Variants in FHIP1A observed in about 807,000 individuals in gnomAD.
FHIP1A encodes FHF complex subunit HOOK-interacting protein 1A.
FHIP1A carries 61 observed loss-of-function variants against 88.6 expected under a neutral mutation model. That is an observed-to-expected ratio of 0.69 (90% CI 0.56 to 0.85). FHIP1A has a LOEUF of 0.85. Among genes scored for constraint, FHIP1A ranks in the 40% least tolerant of loss-of-function variants. The pLI is 0.00. For synonymous variants in FHIP1A, 478 were observed against 496.0 expected, an observed-to-expected ratio of 0.96 and a Z score of 0.48; for missense variants, 1,154 against 1,273.5, an observed-to-expected ratio of 0.91 and a Z score of 1.43.
At chr4:151,440,709 A>C (rs1728376463) in intron 1 of FHIP1A, among the ~76,000 whole-genome samples, 1 of 152,180 alleles carries the variant, frequency 6.6e-6, no homozygotes, top group Non-Finnish European at 1.5e-5. Flanking sequence ...AACTGGGGGT[A>C]ACTGGCCAAC....
At chr4:151,443,917 T>C (rs1728501355) in intron 1 of FHIP1A, among the ~76,000 whole-genome samples, 1 of 152,062 alleles carries the variant, frequency 6.6e-6, no homozygotes, top group Non-Finnish European at 1.5e-5. Context: ...TTGGCCAGGC[T>C]GCGTGAAGGC....
chr4:151,560,831 C>G (rs1317950599), intron 3 of FHIP1A, among the ~76,000 whole-genome samples: 1 of 152,090 alleles, frequency 6.6e-6, no homozygotes, highest in Non-Finnish European at 1.5e-5. Context: ...TTTTTACATT[C>G]TAAATCCTTG....
At chr4:151,631,494 T>G (rs1025786915) in intron 8 of FHIP1A, among the ~76,000 whole-genome samples, 1 of 152,150 alleles carries the variant, frequency 6.6e-6, no homozygotes, top group African/African-American at 2.4e-5. Context: ...CAGACCCAGA[T>G]GGCCTCACTG....
At chr4:151,500,307 A>G (rs1449952490) in intron 3 of FHIP1A, among the ~76,000 whole-genome samples, 1 of 152,294 alleles carries the variant, frequency 6.6e-6, no homozygotes, top group Non-Finnish European at 1.5e-5. Context: ...GTGTCCTGGC[A>G]ACTCAATAAA....
In FHIP1A at chr4:151,583,976, C is replaced by T. The variant is rs192365020; in HGVS notation, c.733-2665C>T. Among the ~76,000 whole-genome samples the T allele has an allele frequency of 7.9e-5, 12 of 151,694 alleles. No individual in the cohort carries two copies. The East Asian group carries it at 1.4e-3, about 17-fold the overall frequency. On this transcript the variant is annotated intron_variant, in intron 5 of 13. Transcript: ENST00000435205. Reference sequence around the variant, plus strand: ...CTGTCTTGTTTACGGTTGTATTTTCCGTACTTAACATAGTACCTGGCCTGA... The same window carrying T: ...CTGTCTTGTTTACGGTTGTATTTTCTGTACTTAACATAGTACCTGGCCTGA...
chr4:151,576,500 C>T (rs1246871348), intron 4 of FHIP1A, among the ~76,000 whole-genome samples: 1 of 152,062 alleles, frequency 6.6e-6, no homozygotes, highest in Non-Finnish European at 1.5e-5. Context: ...GATAGGGTCT[C>T]ACTATTTTGC....
chr4:151,635,980 A>C (rs1560812928), intron 8 of FHIP1A, among the ~76,000 whole-genome samples: 1 of 151,974 alleles, frequency 6.6e-6, no homozygotes, highest in Non-Finnish European at 1.5e-5. Flanking sequence ...CATTCTATGA[A>C]GCCAGTGTTA....
chr4:151,641,196 T>C (rs939817767), intron 9 of FHIP1A, among the ~76,000 whole-genome samples: 4 of 152,214 alleles, frequency 2.6e-5, no homozygotes, highest in African/African-American at 9.7e-5. Flanking sequence ...CTTCCTCTGT[T>C]TCTAATTCTG....
At chr4:151,438,353 T>C (rs573450575) in intron 1 of FHIP1A, among the ~76,000 whole-genome samples, 1 of 152,292 alleles carries the variant, frequency 6.6e-6, no homozygotes, top group East Asian at 1.9e-4. Context: ...CTTGGCTCAC[T>C]GCCTGGCCTG....
intron 3 of FHIP1A, among the ~76,000 whole-genome samples, chr4:151,529,570 G>A (rs978392001): frequency 1.5e-4 from 23 of 152,156 alleles, no homozygotes; most frequent in African/African-American, 5.3e-4. Flanking sequence ...TCCATTCCCT[G>A]TGACTAGCAG....
intron 3 of FHIP1A, among the ~76,000 whole-genome samples, chr4:151,538,583 T>A (rs934810946): frequency 6.6e-6 from 1 of 152,192 alleles, no homozygotes; most frequent in African/African-American, 2.4e-5. Context: ...TATTTCTCCA[T>A]GGTAAGTGAG....
chr4:151,655,231 A>G (rs893020796), intron 11 of FHIP1A, among the ~76,000 whole-genome samples: 2 of 152,216 alleles, frequency 1.3e-5, no homozygotes, highest in Non-Finnish European at 2.9e-5. Flanking sequence ...AGCTCCACCA[A>G]GGGAAATGCA....
At chr4:151,425,260 A>G (rs1329812462) in intron 1 of FHIP1A, among the ~76,000 whole-genome samples, 3 of 152,192 alleles carry the variant, frequency 2.0e-5, no homozygotes, top group Admixed American at 2.0e-4. Context: ...CATACCATAA[A>G]GATGTAGCCA....
chr4:151,588,833 C>T lies in FHIP1A; in HGVS notation c.892-7C>T. The T allele has an allele frequency of 1.3e-6, 2 of 1,538,784 alleles. No homozygotes were observed. Among genetic ancestry groups the T allele is most frequent in the Non-Finnish European group, 1.8e-6 (2 of 1,135,344 alleles). On this transcript the variant is annotated splice_region_variant and splice_polypyrimidine_tract_variant and intron_variant, in intron 6 of 13. Transcript: ENST00000435205. ...GCCTTTTTCATGCCTATGTGCCTCT[C>T]TCTCAGGTGGCTCACCCCTTGATTC...
chr4:151,431,041 G>A lies in FHIP1A; in HGVS notation c.-356+21576G>A, dbSNP rs557667570. Among the ~76,000 whole-genome samples the A allele has an allele frequency of 1.1e-4, 16 of 151,788 alleles. No homozygotes were observed. In the South Asian group the frequency reaches 3.3e-3, roughly 32 times the overall value. ...TACTTATGCAAATACATTTTTTTGT[G>A]CCTAGCAATAATAAGATTTGTGAGA... On this transcript the variant is annotated intron_variant, in intron 1 of 13. Transcript: ENST00000435205.
chr4:151,558,499 A>G (rs1485520448), intron 3 of FHIP1A, among the ~76,000 whole-genome samples: 1 of 152,056 alleles, frequency 6.6e-6, no homozygotes, highest in Non-Finnish European at 1.5e-5. Flanking sequence ...GCGTCACTGT[A>G]CTCCAGCCTG....
At chr4:151,628,419 G>A (rs1383528636) in intron 7 of FHIP1A, among the ~76,000 whole-genome samples, 1 of 151,916 alleles carries the variant, frequency 6.6e-6, no homozygotes, top group African/African-American at 2.4e-5. Flanking sequence ...ATGCACAGAT[G>A]CATCCACTCA....
chr4:151,544,697 C>G (rs1012725943), intron 3 of FHIP1A, among the ~76,000 whole-genome samples: 9 of 152,060 alleles, frequency 5.9e-5, no homozygotes, highest in East Asian at 3.9e-4. Flanking sequence ...TGTGGCCTTT[C>G]CCCTCTTCTG....
At chr4:151,610,094 A>G (rs1327957480) in intron 7 of FHIP1A, among the ~76,000 whole-genome samples, 1 of 152,146 alleles carries the variant, frequency 6.6e-6, no homozygotes, top group African/African-American at 2.4e-5. Context: ...CAGCTCTGCC[A>G]CTTGCTAGCT....
Sources: allele counts gnomAD v4.1 joint callset (sites outside exome capture counted in the v4.1 genomes callset), GRCh38; gene constraint gnomAD v4.1.1; transcripts MANE v1.5; gene names NCBI Gene and HGNC (gene_info 2026-07-23, HGNC 2026-07-21).